ZNF398: variants seen among roughly 807,000 people sequenced by gnomAD.
ZNF398 encodes zinc finger DNA binding protein ZER6.
Under a neutral mutation model 41.9 loss-of-function variants are expected in ZNF398, and 18 were observed. The ratio of observed to expected loss-of-function variants is 0.43; its 90% confidence interval spans 0.30 to 0.64. The LOEUF (loss-of-function observed/expected upper bound fraction) is 0.64. ZNF398 is among the 30% of genes least tolerant of loss of function. The pLI, the probability that ZNF398 is intolerant of heterozygous loss-of-function variation, is 0.14. For missense variants in ZNF398, 669 were observed against 822.8 expected (o/e 0.81, Z 2.29); for synonymous variants, 260 against 308.8 (o/e 0.84, Z 1.66).
intron 1 of ZNF398, chr7:149,148,569 GC>G (rs1357991873): frequency 1.3e-5 from 10 of 781,506 alleles, no homozygotes; most frequent in Non-Finnish European, 1.4e-5. Context: ...AGGAAGAGCA[GC>G]GATGGGTAGG....
At chr7:149,170,292 C>T (rs1189428321) in intron 4 of ZNF398, among the ~76,000 whole-genome samples, 3 of 152,156 alleles carry the variant, frequency 2.0e-5, no homozygotes, top group African/African-American at 7.2e-5. Flanking sequence ...TTTCTATGTA[C>T]CTAGGCTATA....
At chr7:149,168,154 C>T (rs1305982664) in intron 4 of ZNF398, among the ~76,000 whole-genome samples, 1 of 152,058 alleles carries the variant, frequency 6.6e-6, no homozygotes, top group Non-Finnish European at 1.5e-5. Context: ...TCTTGGCTCA[C>T]TGCAACCTCC....
At chr7:149,169,476 A>G (rs1206783703) in intron 4 of ZNF398, among the ~76,000 whole-genome samples, 1 of 152,152 alleles carries the variant, frequency 6.6e-6, no homozygotes, top group African/African-American at 2.4e-5. Context: ...TCTATTGCCC[A>G]GGCTAGAGTG....
chr7:149,165,884 ATATTT>A (rs1795217732), intron 2 of ZNF398, among the ~76,000 whole-genome samples: 1 of 152,228 alleles, frequency 6.6e-6, no homozygotes, highest in Non-Finnish European at 1.5e-5. Flanking sequence ...TGGTATTTAG[ATATTT>A]TATTACTGCT....
At chr7:149,154,876 C>G (rs1367295172) in intron 2 of ZNF398, among the ~76,000 whole-genome samples, 1 of 151,776 alleles carries the variant, frequency 6.6e-6, no homozygotes, top group Non-Finnish European at 1.5e-5. Flanking sequence ...ATAATCCTAG[C>G]CACTCGGGAG....
intron 1 of ZNF398, among the ~76,000 whole-genome samples, chr7:149,150,100 G>A (rs192136187): frequency 6.7e-4 from 102 of 152,292 alleles, no homozygotes; most frequent in Non-Finnish European, 1.1e-3. Flanking sequence ...TAAATAGGAT[G>A]CAACTTCCTT....
chr7:149,160,079 TA>T, intron 2 of ZNF398, among the ~76,000 whole-genome samples: 1 of 3,356 alleles, frequency 3.0e-4, no homozygotes, highest in South Asian at 0.012. Flanking sequence ...GGAGGATAAT[TA>T]GCTGATTAGC....
intron 4 of ZNF398, among the ~76,000 whole-genome samples, chr7:149,167,966 T>C (rs529917720): frequency 2.6e-5 from 4 of 152,240 alleles, no homozygotes; most frequent in East Asian, 1.9e-4. Flanking sequence ...AAAATATTTT[T>C]ATAGTGAACA....
intron 2 of ZNF398, among the ~76,000 whole-genome samples, chr7:149,163,193 G>T (rs1327739800): frequency 6.7e-6 from 1 of 148,784 alleles, no homozygotes; most frequent in Non-Finnish European, 1.5e-5. Context: ...CAAAATACCT[G>T]TTTTGTTTGT....
At chr7:149,126,877 C>T (rs1364574053) in intron 1 of ZNF398, among the ~76,000 whole-genome samples, 2 of 152,206 alleles carry the variant, frequency 1.3e-5, no homozygotes, top group African/African-American at 4.8e-5. Context: ...CACGTCCGGT[C>T]CCCGTGGGTG....
chr7:149,155,707 A>ATATTTT (rs1794954712), intron 2 of ZNF398, among the ~76,000 whole-genome samples: 7 of 73,576 alleles, frequency 9.5e-5, no homozygotes, highest in Admixed American at 3.3e-4. Flanking sequence ...ATATATATAT[A>ATATTTT]TTTTTTTTTT....
chr7:149,181,829 T>G lies in ZNF398; in HGVS notation c.*2028T>G, dbSNP rs1795599175. 1 of 152,200 alleles carries G rather than the reference T, an allele frequency of 6.6e-6. No homozygotes were observed. The highest frequency in any genetic ancestry group is 6.5e-5 in the Admixed American group (1 of 15,274). 9.4% of individuals were successfully genotyped at this position (152,200 alleles called of 1,614,324 possible). On this transcript the variant is annotated 3_prime_UTR_variant, in exon 6 of 6. Coordinates refer to ENST00000475153, the MANE Select transcript of ZNF398 (RefSeq NM_170686.3). ...TCTGGACCTATACCATGGGAAAATT[T>G]AGGGGTGCTGGGAATCCCAAAGCCA...
intron 1 of ZNF398, among the ~76,000 whole-genome samples, chr7:149,126,965 A>T (rs977223646): frequency 6.6e-6 from 1 of 152,192 alleles, no homozygotes; most frequent in Non-Finnish European, 1.5e-5. Context: ...CCCCATGCGG[A>T]AGCCACCCCG....
In ZNF398 at chr7:149,151,520, G is replaced by T. The variant is rs184267399; in HGVS notation, c.25-2425G>T. 4.5e-3 allele frequency among the ~76,000 whole-genome samples: 679 copies of T among 152,184 alleles called. 3 individuals are homozygous for T. The highest frequency in any genetic ancestry group is 7.6e-3 in the Non-Finnish European group (517 of 68,004). ...ATCATCCTAGTCCAACTTATTTGTT[G>T]TGGGAATTTTTTCCTTTTATACTAC... On this transcript the variant is annotated intron_variant, in intron 1 of 5. Transcript: ENST00000475153.
At chr7:149,149,766 AG>A (rs1827065489) in intron 1 of ZNF398, among the ~76,000 whole-genome samples, 1 of 152,086 alleles carries the variant, frequency 6.6e-6, no homozygotes, top group Non-Finnish European at 1.5e-5. Context: ...TGAGCCAGGG[AG>A]GTGGAGGCTG....
chr7:149,139,078 T>C (rs1826770952), intron 2 of ZNF398, among the ~76,000 whole-genome samples: 1 of 151,824 alleles, frequency 6.6e-6, no homozygotes, highest in Admixed American at 6.6e-5. Context: ...GCCCAGCTAA[T>C]TTTGGATTTT....
intron 4 of ZNF398, among the ~76,000 whole-genome samples, chr7:149,167,813 A>G (rs909625604): frequency 2.0e-5 from 3 of 151,670 alleles, no homozygotes; most frequent in Admixed American, 6.6e-5. Flanking sequence ...GGGTTTCACC[A>G]TGTTAGCAAG....
At chr7:149,142,977 GTTATT>G (rs1826859414), upstream of ZNF398, among the ~76,000 whole-genome samples, 1 of 152,142 alleles carries the variant, frequency 6.6e-6, no homozygotes, top group Non-Finnish European at 1.5e-5. Flanking sequence ...CTTCATGTAT[GTTATT>G]TTATTGATCG....
At chr7:149,136,430 A>C (rs1051182792) in intron 2 of ZNF398, among the ~76,000 whole-genome samples, 13 of 152,308 alleles carry the variant, frequency 8.5e-5, no homozygotes, top group African/African-American at 2.9e-4. Context: ...TTCCCAGTTT[A>C]AATTTATATC....
Sources: gnomAD v4.1 joint callset for allele counts (sites outside exome capture counted in the v4.1 genomes callset) on GRCh38, gnomAD v4.1.1 for gene constraint, MANE v1.5 for transcripts, NCBI Gene and HGNC (gene_info 2026-07-23, HGNC 2026-07-21) for gene names.